PRKDC: variants seen among roughly 807,000 people sequenced by gnomAD.
The protein encoded by PRKDC is DNA-dependent protein kinase catalytic subunit.
Under a neutral mutation model 486.9 loss-of-function variants are expected in PRKDC, and 82 were observed. The ratio of observed to expected loss-of-function variants is 0.17; its 90% CI spans 0.14 to 0.20. The LOEUF is 0.20. PRKDC is among the 10% of genes least tolerant of loss of function. PRKDC has a pLI of 1.00. For synonymous variants in PRKDC, 1,895 were observed against 1,837.0 expected, an observed-to-expected ratio of 1.03 and a Z score of -0.81; for missense variants, 4,504 against 5,038.2, an observed-to-expected ratio of 0.89 and a Z score of 3.21.
At position 47,860,967 on chromosome 8, in the gene PRKDC, G is replaced by A. The variant is rs558071133; in HGVS notation, c.5990C>T (p.Pro1997Leu). 9.4e-6 allele frequency: 15 copies of A among 1,589,908 alleles called. No individual in the cohort carries two copies. The highest frequency in any genetic ancestry group is 3.5e-5 in the Admixed American group (2 of 57,692). Reference protein sequence around the residue: ...RYNFPVEVEVPMERKKKYIEI... With the variant: ...RYNFPVEVEVLMERKKKYIEI... Reference sequence around the variant, plus strand: ...AATGTACTTTTTCTTTCTTTCCATAGGAACCTATTGGGAAGAACAAATAAA... The same window carrying A: ...AATGTACTTTTTCTTTCTTTCCATAAGAACCTATTGGGAAGAACAAATAAA... Residue 1997 changes from proline (P) to leucine (L), a missense_variant, in exon 45 of 86, where the codon CCT (proline) becomes CTT (leucine). This residue lies in a region of PRKDC where 1,592 missense variants were observed against 1,724.6 expected (regional missense o/e 0.92). Coordinates refer to ENST00000314191, the MANE Select transcript of PRKDC (RefSeq NM_006904.7).
intron 55 of PRKDC, among the ~76,000 whole-genome samples, chr8:47,839,670 G>A (rs1212344177): frequency 1.3e-5 from 2 of 152,062 alleles, no homozygotes; most frequent in Non-Finnish European, 2.9e-5. Context: ...GATACAATTA[G>A]ATATACCAAA....
At chr8:47,823,249 C>T (rs1188762093) in intron 64 of PRKDC, among the ~76,000 whole-genome samples, 2 of 151,636 alleles carry the variant, frequency 1.3e-5, no homozygotes, top group Admixed American at 1.3e-4. Context: ...GGTGGGAGGA[C>T]CGCCGGAGCC....
intron 74 of PRKDC, 119 bp from the exon 75 acceptor site, chr8:47,789,357 T>C (rs1040151136): frequency 3.6e-6 from 1 of 275,712 alleles, no homozygotes; most frequent in Non-Finnish European, 6.3e-6. Flanking sequence ...ATGTATGTTA[T>C]ATATAACTAA....
intron 45 of PRKDC, 80 bp from the exon 46 acceptor site, chr8:47,859,839 T>G: frequency 7.3e-7 from 1 of 1,367,864 alleles, no homozygotes. Context: ...TCAAATGATA[T>G]GAAAATTAAA....
At chr8:47,776,820 T>C in intron 85 of PRKDC, 24 bp downstream of exon 85, 2 of 1,613,224 alleles carry the variant, frequency 1.2e-6, no homozygotes, top group South Asian at 2.2e-5. Flanking sequence ...GTCCGTTAGT[T>C]TTTTCCACAT....
intron 37 of PRKDC, 62 bp from the exon 38 acceptor site, chr8:47,881,582 C>T: frequency 1.2e-6 from 1 of 851,398 alleles, no homozygotes; most frequent in Non-Finnish European, 1.8e-6. Flanking sequence ...TCCTTTAGCC[C>T]ATTGCTCAAA....
intron 68 of PRKDC, among the ~76,000 whole-genome samples, chr8:47,814,563 T>A (rs941224992): frequency 2.0e-5 from 3 of 152,156 alleles, no homozygotes; most frequent in Non-Finnish European, 4.4e-5. Context: ...AATACAATTT[T>A]AAAAATAAAT....
chr8:47,865,140 C>G (rs895877640), intron 40 of PRKDC, among the ~76,000 whole-genome samples: 2 of 152,180 alleles, frequency 1.3e-5, no homozygotes, highest in African/African-American at 4.8e-5. Context: ...GTAATCCCAG[C>G]ACTTTGGGAG....
rs917756949 is a variant in PRKDC at position 47,854,100 on chromosome 8, A to G, written c.6876T>C (p.Cys2292=). 6.2e-7 allele frequency: 1 copy of G among 1,613,968 alleles called. No homozygotes were observed. The highest frequency in any genetic ancestry group is 8.5e-7 in the Non-Finnish European group (1 of 1,179,870). ...ANDLPPYDPQ[C]GIQSSEYFQA... ...ACACGTACTCGCTACTCTGGATGCC[A>G]CACTGTGGGTCATAGGGAGGCAGGT... The change falls in exon 51 of 86, where the codon TGT becomes TGC. Residue 2292 remains cysteine, a synonymous_variant. Coordinates refer to ENST00000314191, the MANE Select transcript of PRKDC (RefSeq NM_006904.7).
rs530895936 is a variant in PRKDC, at chr8:47,785,049, G to A, written c.11107+64C>T. The A allele has an allele frequency of 1.0e-5, 15 of 1,480,730 alleles. No homozygotes were observed. The South Asian group carries it at 1.3e-4, about 13-fold the overall frequency. The allele number at this position is 1,480,730 out of a possible 1,614,324, so 91.7% of individuals were successfully genotyped here. ...CCAGTATCACTATTCCAGAAACCAC[G>A]AGTTCTTATTACAGTGCTGTGCTCC... is the stretch of plus-strand genomic sequence containing the variant. On this transcript the variant is annotated intron_variant, in intron 77 of 85. Coordinates refer to ENST00000314191, the MANE Select transcript of PRKDC (RefSeq NM_006904.7).
At chr8:47,863,360 GATAA>G in intron 42 of PRKDC, 35 bp downstream of exon 42, 1 of 1,486,546 alleles carries the variant, frequency 6.7e-7, no homozygotes, top group Non-Finnish European at 9.2e-7. Flanking sequence ...CCAAAGCATT[GATAA>G]ATAAAATAGA....
chr8:47,917,231 G>C (rs1288446227), intron 22 of PRKDC, among the ~76,000 whole-genome samples: 3 of 151,810 alleles, frequency 2.0e-5, no homozygotes, highest in Non-Finnish European at 4.4e-5. Context: ...CTCCACCCTG[G>C]GTGACAACAT....
intron 11 of PRKDC, among the ~76,000 whole-genome samples, chr8:47,937,265 T>C (rs547958188): frequency 6.6e-6 from 1 of 151,964 alleles, no homozygotes. Context: ...CCTCAAAAAA[T>C]AAATAAATAA....
At chr8:47,855,496 C>G (rs1415613853) in intron 49 of PRKDC, 123 bp from the exon 50 acceptor site, 3 of 1,053,822 alleles carry the variant, frequency 2.8e-6, no homozygotes, top group Non-Finnish European at 4.0e-6. Flanking sequence ...TGTTGAAAGC[C>G]CTGTGATTTT....
At chr8:47,820,656 C>T (rs2087569085) in intron 66 of PRKDC, 63 bp downstream of exon 66, 4 of 895,246 alleles carry the variant, frequency 4.5e-6, no homozygotes, top group Non-Finnish European at 5.9e-6. Flanking sequence ...CAGATAGATC[C>T]ACATTATAAT....
chr8:47,955,819 T>C (rs2090691386), intron 4 of PRKDC, 55 bp downstream of exon 4: 9 of 1,393,390 alleles, frequency 6.5e-6, no homozygotes, highest in Non-Finnish European at 6.9e-6. Context: ...ACTCTGATTT[T>C]CTTTTAAAAG....
In PRKDC at chr8:47,783,754, C is replaced by A; in HGVS notation, c.11163G>T (p.Gly3721=). 1 of 1,613,982 alleles carries A rather than the reference C, an allele frequency of 6.2e-7. No homozygotes were observed. The highest frequency in any genetic ancestry group is 8.5e-7 in the Non-Finnish European group (1 of 1,179,884). ...PLPEYHVRIA[G]FDERVTVMAS... is the part of the protein sequence containing the mutation. ...CCCTCACACCTACCCGCTCATCAAA[C>A]CCGGCGATTCGCACGTGGTACTCTG... The change falls in exon 78 of 86, where the codon GGG becomes GGT. Residue 3721 remains glycine (G), a synonymous_variant. Coordinates refer to ENST00000314191, the MANE Select transcript of PRKDC (RefSeq NM_006904.7).
intron 70 of PRKDC, among the ~76,000 whole-genome samples, chr8:47,801,793 A>G (rs1164438109): frequency 6.6e-6 from 1 of 152,156 alleles, no homozygotes; most frequent in Non-Finnish European, 1.5e-5. Flanking sequence ...CAGTGTCCAG[A>G]GGTGCGATAA....
At position 47,782,053 on chromosome 8, in the gene PRKDC, C is replaced by T. The variant is rs770441586; in HGVS notation, c.11489+109G>A. ...GTTTATTGACCCAGCCAGCAGACTGCGGGGCAGGCAGTGTGGGCTCTCGAG... is the reference window on the plus strand; with the variant it reads ...GTTTATTGACCCAGCCAGCAGACTGTGGGGCAGGCAGTGTGGGCTCTCGAG... On this transcript the variant is annotated intron_variant, in intron 80 of 85. Coordinates refer to ENST00000314191, the MANE Select transcript of PRKDC (RefSeq NM_006904.7). The surrounding 1 kb of genome is among the most constrained non-coding windows in gnomAD (Gnocchi z 4.9). 9 of 890,854 alleles carry T rather than the reference C, an allele frequency of 1.0e-5. No individual in the cohort carries two copies. Among genetic ancestry groups the T allele is most frequent in the Non-Finnish European group, 1.6e-5 (9 of 562,308 alleles). The allele number at this position is 890,854 out of a possible 1,614,324, so 55.2% of individuals were successfully genotyped here.
Sources: allele counts gnomAD v4.1 joint callset (sites outside exome capture counted in the v4.1 genomes callset), GRCh38; gene constraint gnomAD v4.1.1; regional missense constraint gnomAD v4.1.1; non-coding constraint Gnocchi (gnomAD v3.1); transcripts MANE v1.5; gene names NCBI Gene and HGNC (gene_info 2026-07-23, HGNC 2026-07-21).